Variants in TMEM178B observed in about 807,000 individuals in gnomAD.
TMEM178B encodes transmembrane protein 178B.
Under a neutral mutation model 31.0 loss-of-function variants are expected in TMEM178B, and 5 were observed. The ratio of observed to expected loss-of-function variants is 0.16; its 90% CI spans 0.08 to 0.34. The LOEUF (loss-of-function observed/expected upper bound fraction) is 0.34. Among genes scored for constraint, TMEM178B ranks in the 10% least tolerant of loss-of-function variants. The pLI is 1.00. For synonymous variants in TMEM178B, 164 were observed against 164.0 expected, an observed-to-expected ratio of 1.00 and a Z score of 0.00; for missense variants, 275 against 400.3, an observed-to-expected ratio of 0.69 and a Z score of 2.67.
rs78769674 is a variant in TMEM178B at position 141,134,705 on chromosome 7, A to G, written c.382+60013A>G. On this transcript the variant is annotated intron_variant, in intron 1 of 3. Coordinates refer to ENST00000565468, the MANE Select transcript of TMEM178B (RefSeq NM_001195278.2). ...AACTTTGGCTGTGAATGAATTAAAT[A>G]TCTCACTTAGAAGATATAGAATGAC... Among the ~76,000 whole-genome samples, 26 of 152,372 alleles carry G rather than the reference A, an allele frequency of 1.7e-4. No homozygotes were observed. The East Asian group carries it at 4.8e-3, about 28-fold the overall frequency.
At chr7:141,350,028 CATCCATCCATCT>C (rs987755769) in intron 2 of TMEM178B, among the ~76,000 whole-genome samples, 2 of 152,102 alleles carry the variant, frequency 1.3e-5, no homozygotes, top group South Asian at 2.1e-4. Flanking sequence ...TCTATCTGTC[CATCCATCCATCT>C]ATCCATCCAT....
intron 1 of TMEM178B, among the ~76,000 whole-genome samples, chr7:141,145,743 G>A (rs576457955): frequency 2.0e-5 from 3 of 152,196 alleles, no homozygotes; most frequent in South Asian, 2.1e-4. Flanking sequence ...TGCTGATGCA[G>A]CTGTTGAGAA....
intron 1 of TMEM178B, among the ~76,000 whole-genome samples, chr7:141,100,670 G>A (rs1159716618): frequency 6.6e-6 from 1 of 152,046 alleles, no homozygotes; most frequent in African/African-American, 2.4e-5. Flanking sequence ...TTGCTCTGAG[G>A]CTTTTCTGTA....
At chr7:141,240,709 A>G (rs1345629289) in intron 2 of TMEM178B, among the ~76,000 whole-genome samples, 1 of 152,264 alleles carries the variant, frequency 6.6e-6, no homozygotes, top group Non-Finnish European at 1.5e-5. Context: ...TTTTCTAGGT[A>G]TAAACACACA....
chr7:141,347,289 G>T (rs1279831626), intron 2 of TMEM178B, among the ~76,000 whole-genome samples: 1 of 152,148 alleles, frequency 6.6e-6, no homozygotes, highest in East Asian at 1.9e-4. Flanking sequence ...GTTCTACTTA[G>T]ATTTTCCTTC....
intron 2 of TMEM178B, among the ~76,000 whole-genome samples, chr7:141,332,528 C>T (rs949719472): frequency 6.6e-6 from 1 of 152,208 alleles, no homozygotes; most frequent in Non-Finnish European, 1.5e-5. Flanking sequence ...CTCCCTTCAT[C>T]GTCCATTCCT....
chr7:141,483,600 C>T (rs1274584039), downstream of TMEM178B, among the ~76,000 whole-genome samples: 3 of 152,184 alleles, frequency 2.0e-5, no homozygotes, highest in African/African-American at 7.2e-5. Context: ...TCCCATACCA[C>T]TTTAGAAAAT....
chr7:141,485,311 G>A (rs1325520851), downstream of TMEM178B, among the ~76,000 whole-genome samples: 1 of 152,144 alleles, frequency 6.6e-6, no homozygotes, highest in East Asian at 1.9e-4. Flanking sequence ...TTTAACTCAC[G>A]GTTACACGTA....
At chr7:141,286,699 A>G (rs759474604) in intron 2 of TMEM178B, among the ~76,000 whole-genome samples, 1 of 152,206 alleles carries the variant, frequency 6.6e-6, no homozygotes, top group Non-Finnish European at 1.5e-5. Context: ...GACTGCATAG[A>G]GGATGTGTGA....
the TMEM178B span, among the ~76,000 whole-genome samples, chr7:141,508,523 T>C: frequency 1.3e-5 from 2 of 152,210 alleles, no homozygotes; most frequent in Middle Eastern, 3.2e-3. Flanking sequence ...CCCACTCTAC[T>C]GGTACCAATT....
Position 141,082,928 on chromosome 7 carries a change from GTTTA to G in TMEM178B, c.382+8243_382+8246del, listed in dbSNP as rs557280832. On this transcript the variant is annotated intron_variant, in intron 1 of 3. Transcript: ENST00000565468. ...GCCTTTTTTTCTGTTGAAGAGGTCA[GTTTA>G]TTTATTCTTTTACTGTAGGGTCAAT... Among the ~76,000 whole-genome samples the G allele has an allele frequency of 2.2e-4, 33 of 152,292 alleles. No individual in the cohort carries two copies. The South Asian group carries it at 3.5e-3, about 16-fold the overall frequency.
chr7:141,258,429 T>G (rs983111503), intron 2 of TMEM178B, among the ~76,000 whole-genome samples: 2 of 152,214 alleles, frequency 1.3e-5, no homozygotes. Flanking sequence ...GGGCCACATG[T>G]GGCCTGTGGG....
At chr7:141,496,006 T>C in the TMEM178B span, among the ~76,000 whole-genome samples, 1 of 152,210 alleles carries the variant, frequency 6.6e-6, no homozygotes, top group Non-Finnish European at 1.5e-5. Flanking sequence ...CTTGATCTTT[T>C]GCAATTCTGG....
chr7:141,105,141 G>A (rs1795121500), intron 1 of TMEM178B, among the ~76,000 whole-genome samples: 1 of 152,096 alleles, frequency 6.6e-6, no homozygotes, highest in South Asian at 2.1e-4. Context: ...GTCACTGTGG[G>A]AAAAAGGAAG....
At chr7:141,154,629 T>C (rs1325440823) in intron 1 of TMEM178B, among the ~76,000 whole-genome samples, 2 of 152,222 alleles carry the variant, frequency 1.3e-5, no homozygotes, top group African/African-American at 4.8e-5. Context: ...GCGATGGGCC[T>C]GGATCCACGG....
At chr7:141,197,101 C>T (rs752046298) in intron 1 of TMEM178B, among the ~76,000 whole-genome samples, 6 of 152,198 alleles carry the variant, frequency 3.9e-5, no homozygotes, top group Non-Finnish European at 7.3e-5. Flanking sequence ...CATATATAAT[C>T]TGTGTCCCAA....
intron 1 of TMEM178B, among the ~76,000 whole-genome samples, chr7:141,081,369 C>A (rs1286408633): frequency 6.6e-6 from 1 of 152,132 alleles, no homozygotes; most frequent in Non-Finnish European, 1.5e-5. Context: ...GGTGCAGTGG[C>A]TCACACCTGT....
intron 1 of TMEM178B, among the ~76,000 whole-genome samples, chr7:141,084,034 A>C (rs1794736656): frequency 1.3e-5 from 2 of 152,150 alleles, no homozygotes; most frequent in South Asian, 4.1e-4. Context: ...CGAACTCCTG[A>C]CCTCAGGTGA....
intron 1 of TMEM178B, among the ~76,000 whole-genome samples, chr7:141,130,791 T>C (rs921812183): frequency 1.3e-5 from 2 of 152,178 alleles, no homozygotes; most frequent in Non-Finnish European, 1.5e-5. Context: ...AACTAAATGC[T>C]CTATCACCAT....
Sources: allele counts gnomAD v4.1 joint callset (sites outside exome capture counted in the v4.1 genomes callset), GRCh38; gene constraint gnomAD v4.1.1; transcripts MANE v1.5; gene names NCBI Gene and HGNC (gene_info 2026-07-23, HGNC 2026-07-21).